The following HPSE2 variants were observed in gnomAD, a reference collection of about 807,000 sequenced individuals.
The protein encoded by HPSE2 is inactive heparanase-2.
In HPSE2, 38 loss-of-function variants were observed where a neutral mutation model predicts 60.5. The ratio of observed to expected loss-of-function variants is 0.63; its 90% CI spans 0.48 to 0.82. The LOEUF (loss-of-function observed/expected upper bound fraction) is 0.82. Ranked by LOEUF, HPSE2 falls within the 40% of genes least tolerant of loss-of-function variation. The pLI is 0.00. For synonymous variants in HPSE2, 295 were observed against 293.2 expected, an observed-to-expected ratio of 1.01 and a Z score of -0.06; for missense variants, 713 against 740.4, an observed-to-expected ratio of 0.96 and a Z score of 0.43.
At chr10:98,597,842 G>T (rs187131354) in intron 9 of HPSE2, among the ~76,000 whole-genome samples, 1 of 151,220 alleles carries the variant, frequency 6.6e-6, no homozygotes, top group Non-Finnish European at 1.5e-5. Context: ...ATGGTGGTGC[G>T]TGGCTGTAAT....
chr10:98,918,951 C>T (rs1954204302), intron 3 of HPSE2, among the ~76,000 whole-genome samples: 1 of 151,908 alleles, frequency 6.6e-6, no homozygotes, highest in African/African-American at 2.4e-5. Context: ...TTATTGAGTA[C>T]CTCTCATGGG....
chr10:98,814,153 T>C (rs561097291), intron 3 of HPSE2, among the ~76,000 whole-genome samples: 2 of 152,298 alleles, frequency 1.3e-5, no homozygotes, highest in East Asian at 3.9e-4. Context: ...TCATTTTATG[T>C]AAATTTTCAC....
At chr10:98,886,465 T>C (rs1410728870) in intron 3 of HPSE2, among the ~76,000 whole-genome samples, 1 of 152,122 alleles carries the variant, frequency 6.6e-6, no homozygotes. Flanking sequence ...ACAAAATGTC[T>C]AGCCAGGAAT....
chr10:99,247,754 A>G, the HPSE2 span, among the ~76,000 whole-genome samples: 603 of 152,270 alleles, frequency 4.0e-3, 3 homozygotes, highest in Non-Finnish European at 5.7e-3. Flanking sequence ...CTAATCCCCA[A>G]TGTTGGAGGA....
chr10:99,067,765 A>G (rs1178121313), intron 3 of HPSE2, among the ~76,000 whole-genome samples: 1 of 152,148 alleles, frequency 6.6e-6, no homozygotes, highest in African/African-American at 2.4e-5. Context: ...TCCTGGAGAC[A>G]TTTTCCCCAT....
At chr10:99,143,062 C>G (rs917142033) in intron 3 of HPSE2, among the ~76,000 whole-genome samples, 2 of 152,164 alleles carry the variant, frequency 1.3e-5, no homozygotes, top group Non-Finnish European at 2.9e-5. Flanking sequence ...AACTTAAACC[C>G]AATTTCACTA....
chr10:98,688,585 C>T (rs886863696), intron 6 of HPSE2, among the ~76,000 whole-genome samples: 1 of 149,370 alleles, frequency 6.7e-6, no homozygotes, highest in Non-Finnish European at 1.5e-5. Context: ...AAGTGATTCT[C>T]CTGTCTCAGC....
chr10:98,658,253 T>C (rs899774566), intron 6 of HPSE2, among the ~76,000 whole-genome samples: 1 of 152,230 alleles, frequency 6.6e-6, no homozygotes, highest in African/African-American at 2.4e-5. Context: ...ATGTTCCCTG[T>C]ACTCAACTCT....
chr10:98,978,865 G>A (rs530473659), intron 3 of HPSE2, among the ~76,000 whole-genome samples: 10 of 152,168 alleles, frequency 6.6e-5, no homozygotes, highest in Admixed American at 2.6e-4. Flanking sequence ...CAGTATCCTC[G>A]ACACTTGGTC....
Position 98,559,995 on chromosome 10 carries a change from AG to A in HPSE2, c.1320+54908del, listed in dbSNP as rs138943014. 4.1e-3 allele frequency among the ~76,000 whole-genome samples: 629 copies of A among 152,302 alleles called. 4 individuals carry two copies. Among genetic ancestry groups the A allele is most frequent in the African/African-American group, 0.014 (597 of 41,566 alleles). On this transcript the variant is annotated intron_variant, in intron 9 of 11. Coordinates refer to ENST00000370552, the MANE Select transcript of HPSE2 (RefSeq NM_021828.5). ...TCCTAAAAGGGAGCAGTGGGAAGTT[AG>A]GGTGGAAAATAAGCTGGAGTCAGAC...
intron 11 of HPSE2, among the ~76,000 whole-genome samples, chr10:98,460,021 AG>A (rs1940217712): frequency 1.3e-5 from 2 of 152,192 alleles, no homozygotes; most frequent in African/African-American, 2.4e-5. Context: ...CACAGCTTGG[AG>A]GTCCAGGGTT....
At chr10:99,139,454 T>C (rs1375233508) in intron 3 of HPSE2, among the ~76,000 whole-genome samples, 3 of 151,852 alleles carry the variant, frequency 2.0e-5, no homozygotes, top group Admixed American at 1.3e-4. Flanking sequence ...AAATAAATAA[T>C]AAAAATTAAT....
the HPSE2 span, among the ~76,000 whole-genome samples, chr10:99,265,154 T>C: frequency 6.6e-6 from 1 of 152,210 alleles, no homozygotes; most frequent in African/African-American, 2.4e-5. Context: ...GCACCCTAAC[T>C]GACACGATAT....
chr10:99,235,749 G>C lies in HPSE2; in HGVS notation c.54C>G (p.Pro18=). Residue 18 remains proline (P), a synonymous_variant, in exon 1 of 12, where the codon CCC becomes CCG. Coordinates refer to ENST00000370552, the MANE Select transcript of HPSE2 (RefSeq NM_021828.5). ...PEAMPSSNSR[P]PACLAPGALY... ...GAGCCCCCGGGGCTAGGCACGCGGG[G>C]GGGCGGGAGTTGCTGGAGGGCATGG... 1 of 1,613,948 alleles carries C rather than the reference G, an allele frequency of 6.2e-7. No homozygotes were observed. The highest frequency in any genetic ancestry group is 1.1e-5 in the South Asian group (1 of 91,064).
At chr10:98,960,698 TTTC>T (rs1212348294) in intron 3 of HPSE2, among the ~76,000 whole-genome samples, 1 of 51,584 alleles carries the variant, frequency 1.9e-5, no homozygotes, top group Admixed American at 2.5e-4. Flanking sequence ...ACTATGTACA[TTTC>T]TTTTTTTTTT....
chr10:98,690,912 T>C (rs1454994256), intron 6 of HPSE2, among the ~76,000 whole-genome samples: 3 of 152,226 alleles, frequency 2.0e-5, no homozygotes, highest in Non-Finnish European at 4.4e-5. Context: ...GATCTGTTTA[T>C]TCATGACTTC....
At chr10:98,781,248 C>T (rs569044917) in intron 3 of HPSE2, among the ~76,000 whole-genome samples, 1 of 149,816 alleles carries the variant, frequency 6.7e-6, no homozygotes, top group African/African-American at 2.5e-5. Flanking sequence ...TTCCACAAGC[C>T]TCTGCCCCTA....
In HPSE2 at chr10:99,119,096, A is replaced by G. The variant is rs145478708; in HGVS notation, c.610+25142T>C. On this transcript the variant is annotated intron_variant, in intron 3 of 11. Transcript: ENST00000370552. The stretch of plus-strand genomic sequence containing the variant: ...GAAAGAAAGAGAAAGAAAGAGAGAG[A>G]GAGGGAGGGAGGGAGGGAGGGAGGG... Among the ~76,000 whole-genome samples, 875 of 117,884 alleles carry G rather than the reference A, an allele frequency of 7.4e-3. 8 individuals carry two copies. Among genetic ancestry groups the G allele is most frequent in the East Asian group, 0.039 (146 of 3,774 alleles). The allele number at this position is 117,884 out of a possible 152,430, so 77.3% of individuals were successfully genotyped here.
chr10:99,222,770 T>TA (rs1268571585), intron 2 of HPSE2, among the ~76,000 whole-genome samples: 2 of 152,204 alleles, frequency 1.3e-5, no homozygotes, highest in Admixed American at 1.3e-4. Context: ...CAACATGTCC[T>TA]AAAATGTGAC....
Sources: gnomAD v4.1 joint callset for allele counts (sites outside exome capture counted in the v4.1 genomes callset) on GRCh38, gnomAD v4.1.1 for gene constraint, MANE v1.5 for transcripts, NCBI Gene and HGNC (gene_info 2026-07-23, HGNC 2026-07-21) for gene names.